HSD11B1L: variants seen among roughly 807,000 people sequenced by gnomAD.
The protein encoded by HSD11B1L is hydroxysteroid 11-beta-dehydrogenase 1-like protein.
A neutral mutation model predicts 27.0 loss-of-function variants in HSD11B1L; 22 were observed. The ratio of observed to expected loss-of-function variants is 0.81; its 90% confidence interval spans 0.58 to 1.16. The LOEUF (loss-of-function observed/expected upper bound fraction) is 1.16. HSD11B1L is among the 50% of genes most tolerant of loss of function. HSD11B1L has a pLI of 0.00. For missense variants in HSD11B1L, 372 were observed against 401.8 expected (o/e 0.93, Z 0.63); for synonymous variants, 187 against 189.2 (o/e 0.99, Z 0.09).
chr19:5,686,960 G>T lies in HSD11B1L; in HGVS notation c.377G>T (p.Arg126Leu). ...IGGAPAGTRA[R>L]SPQATRWLMQ... ...GGCGCCCCGGCCGGCACGCGAGCCC[G>T]CAGCCCCCAGGCAACTCGCTGGCTC... Residue 126 changes from arginine (R) to leucine (L), a missense_variant, in exon 5 of 8, where the codon CGC becomes CTC. Arg to Leu is a moderately radical substitution (Grantham distance 102, BLOSUM62 -2). Transcript: ENST00000339423. 1.3e-6 allele frequency: 2 copies of T among 1,550,980 alleles called. No individual in the cohort carries two copies. Among genetic ancestry groups the T allele is most frequent in the Non-Finnish European group, 1.7e-6 (2 of 1,148,652 alleles).
chr19:5,686,336 TCCC>T, intron 3 of HSD11B1L, 77 bp from the exon 4 acceptor site: 1 of 962,904 alleles, frequency 1.0e-6, no homozygotes, highest in Non-Finnish European at 1.5e-6. Context: ...GGCGGGGGCC[TCCC>T]TATGGCCAGC....
Position 5,687,950 on chromosome 19 carries a change from CG to C in HSD11B1L, c.*11del. ...GTCACGGCCGCGGCAGCCTGAGCAC[CG>C]GGGGGTGCCCCTCCAGTCCCAGACG... On this transcript the variant is annotated 3_prime_UTR_variant, in exon 8 of 8. Transcript: ENST00000339423. The surrounding 1 kb of genome is among the most constrained non-coding windows in gnomAD (Gnocchi z 6.6). 6.4e-7 allele frequency: 1 copy of C among 1,558,884 alleles called. No homozygotes were observed. Among genetic ancestry groups the C allele is most frequent in the Non-Finnish European group, 8.7e-7 (1 of 1,150,976 alleles).
intron 1 of HSD11B1L, among the ~76,000 whole-genome samples, chr19:5,683,416 G>A (rs890006306): frequency 5.3e-5 from 8 of 151,930 alleles, no homozygotes; most frequent in Admixed American, 1.3e-4. Flanking sequence ...CTCACCTCTC[G>A]CCTCCCACGT....
intron 1 of HSD11B1L, among the ~76,000 whole-genome samples, chr19:5,683,098 A>G (rs1230624680): frequency 6.6e-6 from 1 of 151,272 alleles, no homozygotes; most frequent in Non-Finnish European, 1.5e-5. Flanking sequence ...CATGTTGGTC[A>G]GGCTGGTCTC....
At chr19:5,683,568 C>T (rs2054611452) in intron 1 of HSD11B1L, among the ~76,000 whole-genome samples, 1 of 152,134 alleles carries the variant, frequency 6.6e-6, no homozygotes, top group Non-Finnish European at 1.5e-5. Context: ...TGATGGTCTA[C>T]AGGGAGAGAA....
intron 1 of HSD11B1L, among the ~76,000 whole-genome samples, chr19:5,682,334 C>T (rs976003903): frequency 2.0e-5 from 3 of 151,834 alleles, no homozygotes; most frequent in East Asian, 1.9e-4. Flanking sequence ...GAGACCAAAT[C>T]GGAGATGGAA....
chr19:5,686,611 C>T (rs900724200), intron 4 of HSD11B1L, 84 bp downstream of exon 4: 83 of 1,083,650 alleles, frequency 7.7e-5, no homozygotes, highest in Non-Finnish European at 1.1e-4. Flanking sequence ...GTGGGTGTGG[C>T]CACAGTAACA....
rs1269827373 is a variant in HSD11B1L at position 5,687,887 on chromosome 19, C to T, written c.803C>T (p.Pro268Leu). 1.3e-6 allele frequency: 2 copies of T among 1,580,150 alleles called. No homozygotes were observed. The highest frequency in any genetic ancestry group is 8.6e-7 in the Non-Finnish European group (1 of 1,163,764). The change falls in exon 8 of 8, where the codon CCG (proline) becomes CTG (leucine). Residue 268 changes from proline to leucine, a missense_variant. By Grantham distance (98) the Pro-to-Leu change is moderately conservative (BLOSUM62 -3). Coordinates refer to ENST00000339423, the MANE Select transcript of HSD11B1L (RefSeq NM_198706.3). The surrounding 1 kb of genome is among the most constrained non-coding windows in gnomAD (Gnocchi z 6.6). ...RLLCLLRRWL[P>L]RPRAWFIRQE... ...CTGTGCTTGCTCCGGCGCTGGCTAC[C>T]GCGCCCGCGGGCCTGGTTTATCCGC...
Position 5,687,798 on chromosome 19 carries a change from G to A in HSD11B1L, c.714G>A (p.Leu238=). The A allele has an allele frequency of 1.3e-6, 2 of 1,513,806 alleles. No individual in the cohort carries two copies. Among genetic ancestry groups the A allele is most frequent in the African/African-American group, 1.4e-5 (1 of 71,840 alleles). 93.8% of individuals were successfully genotyped at this position (1,513,806 alleles called of 1,614,324 possible). The change falls in exon 8 of 8, where the codon CTG becomes CTA. Residue 238 remains leucine, a synonymous_variant. Transcript: ENST00000339423. This position sits in a 1 kb window ranked among gnomAD's most constrained non-coding sequence, Gnocchi z 6.6. ...CGGCCCCGGGGCCCAAGGCAGCCCT[G>A]GCCGTGATCCGCGGCGGCGCCACGC... ...VKAAPGPKAA[L]AVIRGGATRA...
In HSD11B1L at chr19:5,682,500, G is replaced by A. The variant is rs567655554; in HGVS notation, c.-15+1229G>A. 9.7e-4 allele frequency among the ~76,000 whole-genome samples: 147 copies of A among 152,284 alleles called. 2 individuals are homozygous for A. The South Asian group carries it at 0.024, about 24-fold the overall frequency. On this transcript the variant is annotated intron_variant, in intron 1 of 7. Coordinates refer to ENST00000339423, the MANE Select transcript of HSD11B1L (RefSeq NM_198706.3). ...ATCTGAAAACCATGAGCTCGTGGGG[G>A]TGAAAGGATAGAAGGAGGTGAGGAC...
chr19:5,684,899 G>A lies in HSD11B1L; in HGVS notation c.67G>A (p.Asp23Asn), dbSNP rs2054648215. ...CGCCTATTATTGGGATGACAACTTC[G>A]ACCCAGGTGAGCACCTGGGGTTGAG... ...FFAYYWDDNF[D>N]PASLQGARVL... Residue 23 changes from aspartate (D) to asparagine (N), a missense_variant, in exon 2 of 8, where the codon GAC becomes AAC. By Grantham distance (23) the Asp-to-Asn change is conservative. Coordinates refer to ENST00000339423, the MANE Select transcript of HSD11B1L (RefSeq NM_198706.3). The A allele has an allele frequency of 4.3e-6, 7 of 1,613,708 alleles. No homozygotes were observed. Among genetic ancestry groups the A allele is most frequent in the African/African-American group, 4.0e-5 (3 of 75,034 alleles).
intron 3 of HSD11B1L, among the ~76,000 whole-genome samples, chr19:5,686,107 G>C (rs1307158502): frequency 6.6e-6 from 1 of 152,190 alleles, no homozygotes; most frequent in Non-Finnish European, 1.5e-5. Context: ...TCAAGGAAGG[G>C]TATGGCTCTT....
At chr19:5,681,428 G>A (rs1281102300) in intron 1 of HSD11B1L, among the ~76,000 whole-genome samples, 157 bp downstream of exon 1, 1 of 152,148 alleles carries the variant, frequency 6.6e-6, no homozygotes, top group Non-Finnish European at 1.5e-5. Context: ...CCGTTCATCT[G>A]CCCATCCATC....
At position 5,686,514 on chromosome 19, in the gene HSD11B1L, G is replaced by A; in HGVS notation, c.303G>A (p.Ala101=). ...CGCCCGAGAGCGTGGTGCAGTTTGC[G>A]CTGGACAAGCTGGGTGAGGGGCTGG... is the stretch of plus-strand genomic sequence containing the variant. ...PEAPESVVQF[A]LDKLGGLDYL... Residue 101 remains alanine (A), a synonymous_variant, in exon 4 of 8, where the codon GCG becomes GCA. Transcript: ENST00000339423. 1 of 1,577,594 alleles carries A rather than the reference G, an allele frequency of 6.3e-7. No homozygotes were observed. Among genetic ancestry groups the A allele is most frequent in the Non-Finnish European group, 8.6e-7 (1 of 1,162,684 alleles).
Position 5,685,225 on chromosome 19 carries a change from G to A in HSD11B1L, c.204+106G>A, listed in dbSNP as rs1599422989. ...ATCCAGGCTTCCCGTGTGACCTTGG[G>A]CAAGTCGCCTAACCTCTCTGAGCCT... is the stretch of plus-strand genomic sequence containing the variant. On this transcript the variant is annotated intron_variant, in intron 3 of 7. Coordinates refer to ENST00000339423, the MANE Select transcript of HSD11B1L (RefSeq NM_198706.3). The surrounding 1 kb of genome is among the most constrained non-coding windows in gnomAD (Gnocchi z 4.3). 12 of 1,414,282 alleles carry A rather than the reference G, an allele frequency of 8.5e-6. No homozygotes were observed. The East Asian group carries it at 2.5e-4, about 29-fold the overall frequency. 87.6% of individuals were successfully genotyped at this position (1,414,282 alleles called of 1,614,324 possible).
chr19:5,684,648 A>T (rs527580689), intron 1 of HSD11B1L, 171 bp from the exon 2 acceptor site: 1 of 952,384 alleles, frequency 1.0e-6, no homozygotes, highest in Non-Finnish European at 1.5e-6. Flanking sequence ...GCGGTGGTTC[A>T]TGGAGCCGCG....
At chr19:5,686,878 C>CT (rs1437057496) in intron 4 of HSD11B1L, 22 bp from the exon 5 acceptor site, 1 of 1,530,726 alleles carries the variant, frequency 6.5e-7, no homozygotes, top group Middle Eastern at 1.7e-4. Context: ...GCCTCCGGGG[C>CT]TGACCGGCGT....
chr19:5,687,774 G>T lies in HSD11B1L; in HGVS notation c.690G>T (p.Ala230=). ...CCAGGGGAGTCACGAGGGTCAAGGC[G>T]GCCCCGGGGCCCAAGGCAGCCCTGG... ...EAVRGVTRVK[A]APGPKAALAV... The change falls in exon 8 of 8, where the codon GCG becomes GCT. Residue 230 remains alanine, a synonymous_variant. Transcript: ENST00000339423. This position sits in a 1 kb window ranked among gnomAD's most constrained non-coding sequence, Gnocchi z 6.6. 6.7e-7 allele frequency: 1 copy of T among 1,481,898 alleles called. No homozygotes were observed. The allele number at this position is 1,481,898 out of a possible 1,614,324, so 91.8% of individuals were successfully genotyped here.
chr19:5,688,161 G>T lies in HSD11B1L; in HGVS notation c.*216G>T. 1 of 1,550,760 alleles carries T rather than the reference G, an allele frequency of 6.4e-7. No homozygotes were observed. The highest frequency in any genetic ancestry group is 8.7e-7 in the Non-Finnish European group (1 of 1,146,938). On this transcript the variant is annotated 3_prime_UTR_variant, in exon 8 of 8. Coordinates refer to ENST00000339423, the MANE Select transcript of HSD11B1L (RefSeq NM_198706.3). ...CCCCGTGTTAGGCGCCTTTGTCGGG[G>T]ACTTGCAAGGCCTCACCTGTTTGGC... is the stretch of plus-strand genomic sequence containing the variant.
Sources: allele counts gnomAD v4.1 joint callset (sites outside exome capture counted in the v4.1 genomes callset), GRCh38; gene constraint gnomAD v4.1.1; non-coding constraint Gnocchi (gnomAD v3.1); transcripts MANE v1.5; gene names NCBI Gene and HGNC (gene_info 2026-07-23, HGNC 2026-07-21).